USP11: variants seen among roughly 807,000 people sequenced by gnomAD.
USP11 encodes the protein ubiquitin carboxyl-terminal hydrolase 11.
Under a neutral mutation model 72.8 loss-of-function variants are expected in USP11, and 5 were observed. That is an observed-to-expected ratio of 0.07 (90% CI 0.04 to 0.14). The LOEUF (loss-of-function observed/expected upper bound fraction) is 0.14, where lower values mean the gene tolerates loss of function less well. Among genes scored for constraint, USP11 ranks in the 10% least tolerant of loss-of-function variants. The pLI, the probability that USP11 is intolerant of heterozygous loss-of-function variation, is 1.00. For synonymous variants in USP11, 368 were observed against 326.5 expected, an observed-to-expected ratio of 1.13 and a Z score of -1.37; for missense variants, 480 against 794.7, an observed-to-expected ratio of 0.60 and a Z score of 4.76.
intron 7 of USP11, 146 bp downstream of exon 7, chrX:47,241,022 C>G: frequency 1.6e-6 from 1 of 611,270 alleles, no homozygotes. Flanking sequence ...AGTGGCACGC[C>G]CACGTTCATT....
Position 47,243,634 on chromosome X carries a change from G to T in USP11, c.1790+32G>T, listed in dbSNP as rs776874603. ...GTCCTCTTCCCCGGGGGTGGGGGGC[G>T]GAGGGGTCTGAACTCCGACTTGGGT... On this transcript the variant is annotated intron_variant, in intron 13 of 20. Coordinates refer to ENST00000377107, the MANE Select transcript of USP11 (RefSeq NM_001371072.1). 1.7e-5 allele frequency: 20 copies of T among 1,187,268 alleles called. No individual in the cohort carries two copies. The South Asian group carries it at 3.6e-4, about 21-fold the overall frequency.
intron 1 of USP11, among the ~76,000 whole-genome samples, chrX:47,236,586 T>C (rs2055373064): frequency 8.9e-6 from 1 of 112,309 alleles, no homozygotes; most frequent in African/African-American, 3.2e-5. Context: ...CTTTTTCCTT[T>C]TGTGGGATGA....
At chrX:47,240,134 ATTTG>A (rs2055394502) in intron 4 of USP11, among the ~76,000 whole-genome samples, 167 bp from the exon 5 acceptor site, 1 of 111,570 alleles carries the variant, frequency 9.0e-6, no homozygotes, top group Admixed American at 9.5e-5. Context: ...GGCAGAGGAT[ATTTG>A]CTGGAGATCT....
At chrX:47,241,472 C>G (rs760192535) in intron 8 of USP11, 22 bp downstream of exon 8, 6 of 1,191,498 alleles carry the variant, frequency 5.0e-6, no homozygotes, top group Non-Finnish European at 1.1e-6. Context: ...CCCTGGGCAC[C>G]CCCGACCCCC....
chrX:47,242,038 T>A, intron 9 of USP11, 44 bp from the exon 10 acceptor site: 1 of 1,178,466 alleles, frequency 8.5e-7, no homozygotes, highest in Non-Finnish European at 1.1e-6. Context: ...TGGTTTCCTC[T>A]TACCCTGGGC....
chrX:47,242,658 C>T lies in USP11; in HGVS notation c.1521C>T (p.Phe507=). 1 of 1,211,274 alleles carries T rather than the reference C, an allele frequency of 8.3e-7. No homozygotes were observed. Among genetic ancestry groups the T allele is most frequent in the Admixed American group, 2.2e-5 (1 of 46,055 alleles). Reference sequence around the variant, plus strand: ...TGGCTGATGTCTTCAGTCACCGCTTCTATAAGCTCTATCAGCTAGAGGAGC... The same window carrying T: ...TGGCTGATGTCTTCAGTCACCGCTTTTATAAGCTCTATCAGCTAGAGGAGC... ...MMVADVFSHR[F]YKLYQLEEPL... is the part of the protein sequence containing the mutation. Residue 507 remains phenylalanine, a synonymous_variant, in exon 12 of 21, where the codon TTC becomes TTT. Coordinates refer to ENST00000377107, the MANE Select transcript of USP11 (RefSeq NM_001371072.1).
At chrX:47,246,545 T>C (rs1313716566) in intron 17 of USP11, among the ~76,000 whole-genome samples, 1 of 111,049 alleles carries the variant, frequency 9.0e-6, no homozygotes, top group African/African-American at 3.3e-5. Flanking sequence ...CAAACAAAAA[T>C]ACAAAAAATA....
chrX:47,240,016 A>G, intron 4 of USP11, 109 bp downstream of exon 4: 1 of 837,467 alleles, frequency 1.2e-6, no homozygotes. Context: ...GGCACTGGTC[A>G]GACTTTGGAA....
intron 16 of USP11, 43 bp downstream of exon 16, chrX:47,245,129 C>T: frequency 8.5e-7 from 1 of 1,181,405 alleles, no homozygotes; most frequent in Non-Finnish European, 1.1e-6. Context: ...CAGCTCTTGC[C>T]CCTCAACTCT....
Position 47,242,113 on chromosome X carries a change from A to G in USP11, c.1211A>G (p.Lys404Arg). ...EVAQEAWQNH[K>R]RRNDSVIVDT... Reference sequence around the variant, plus strand: ...GCACAGGAGGCATGGCAAAACCACAAACGGCGGAACGATTCTGTGATCGTG... The same window carrying G: ...GCACAGGAGGCATGGCAAAACCACAGACGGCGGAACGATTCTGTGATCGTG... The change falls in exon 10 of 21, where the codon AAA becomes AGA. Residue 404 changes from lysine (K) to arginine (R), a missense_variant. Lys to Arg is a conservative substitution (Grantham distance 26, BLOSUM62 2). Coordinates refer to ENST00000377107, the MANE Select transcript of USP11 (RefSeq NM_001371072.1). The G allele has an allele frequency of 8.3e-7, 1 of 1,210,213 alleles. No individual in the cohort carries two copies.
At chrX:47,236,948 A>G (rs1232294979) in intron 1 of USP11, among the ~76,000 whole-genome samples, 1 of 112,008 alleles carries the variant, frequency 8.9e-6, no homozygotes, top group Non-Finnish European at 1.9e-5. Flanking sequence ...GATGTTAACA[A>G]TGATTTTTTT....
chrX:47,236,064 A>G (rs2055370592), intron 1 of USP11, among the ~76,000 whole-genome samples: 1 of 111,599 alleles, frequency 9.0e-6, no homozygotes, highest in South Asian at 3.7e-4. Flanking sequence ...AATATTTTGG[A>G]ACTAGGGAGA....
chrX:47,245,363 A>C lies in USP11; in HGVS notation c.2158-7A>C. The C allele has an allele frequency of 8.3e-7, 1 of 1,204,711 alleles. No individual in the cohort carries two copies. The highest frequency in any genetic ancestry group is 1.1e-6 in the Non-Finnish European group (1 of 890,102). On this transcript the variant is annotated splice_region_variant and splice_polypyrimidine_tract_variant and intron_variant, in intron 16 of 20. Transcript: ENST00000377107. ...GGCCATCTGGTTGTCTGTTCACCCA[A>C]TCCTAGGGCTACGTGAAGCATGACT...
In USP11 at chrX:47,244,542, A is replaced by G. The variant is rs2055421617; in HGVS notation, c.1835A>G (p.Asp612Gly). The G allele has an allele frequency of 1.7e-6, 2 of 1,210,504 alleles. No homozygotes were observed. Among genetic ancestry groups the G allele is most frequent in the Non-Finnish European group, 2.2e-6 (2 of 895,083 alleles). ...AACTCAGATGATGAGGACGATGGGGATGAGAAAGGTGAGGGGGCTAACAGT... is the reference window on the plus strand; with the variant it reads ...AACTCAGATGATGAGGACGATGGGGGTGAGAAAGGTGAGGGGGCTAACAGT... ...KPNSDDEDDG[D>G]EKEDDEEDKD... Residue 612 changes from aspartate (D) to glycine (G), a missense_variant, in exon 14 of 21, where the codon GAT becomes GGT. Around this residue, in one of 5 missense-constraint regions of USP11, gnomAD observed 314 missense variants for 556.0 expected, o/e 0.56. Coordinates refer to ENST00000377107, the MANE Select transcript of USP11 (RefSeq NM_001371072.1).
intron 17 of USP11, 81 bp from the exon 18 acceptor site, chrX:47,246,991 A>G: frequency 9.0e-7 from 1 of 1,106,900 alleles, no homozygotes; most frequent in Non-Finnish European, 1.2e-6. Context: ...ACTGTACTCC[A>G]GCCTGGGCAA....
At chrX:47,238,957 C>A in intron 1 of USP11, 113 bp from the exon 2 acceptor site, 1 of 485,789 alleles carries the variant, frequency 2.1e-6, no homozygotes, top group Non-Finnish European at 3.4e-6. Flanking sequence ...GATGCTGAAA[C>A]TTTTCATCTT....
intron 1 of USP11, among the ~76,000 whole-genome samples, chrX:47,237,827 T>TGTGTGTGTG (rs2055381365): frequency 9.8e-6 from 1 of 102,192 alleles, no homozygotes; most frequent in African/African-American, 3.7e-5. Context: ...TGTGTGTGTG[T>TGTGTGTGTG]TTAGGCAGGA....
In USP11 at chrX:47,247,855, G is replaced by A. The variant is rs373410562; in HGVS notation, c.2688G>A (p.Pro896=). 6.3e-5 allele frequency: 76 copies of A among 1,203,863 alleles called. No individual in the cohort carries two copies. Among genetic ancestry groups the A allele is most frequent in the Admixed American group, 1.6e-4 (7 of 44,613 alleles). Residue 896 remains proline (P), a synonymous_variant, in exon 21 of 21, where the codon CCG becomes CCA. Coordinates refer to ENST00000377107, the MANE Select transcript of USP11 (RefSeq NM_001371072.1). ...RQDVARRLLS[P]AGSSGAPASP... ...ACGTGGCGCGACGCCTGCTGTCCCC[G>A]GCCGGCTCATCTGGCGCCCCAGCCT...
At position 47,241,811 on chromosome X, in the gene USP11, C is replaced by T; in HGVS notation, c.1179+112C>T. Reference sequence around the variant, plus strand: ...CGCCACCATTTTCTGTTAAGTTTCTCTACCTGACCTCAACTCCAGCCTTAC... The same window carrying T: ...CGCCACCATTTTCTGTTAAGTTTCTTTACCTGACCTCAACTCCAGCCTTAC... On this transcript the variant is annotated intron_variant, in intron 9 of 20. Transcript: ENST00000377107. 10 of 936,981 alleles carry T rather than the reference C, an allele frequency of 1.1e-5. No individual in the cohort carries two copies. The South Asian group carries it at 2.5e-4, about 24-fold the overall frequency. 77.2% of individuals were successfully genotyped at this position (936,981 alleles called of 1,213,427 possible).
Sources: allele counts gnomAD v4.1 joint callset (sites outside exome capture counted in the v4.1 genomes callset), GRCh38; gene constraint gnomAD v4.1.1; regional missense constraint gnomAD v4.1.1; transcripts MANE v1.5; gene names NCBI Gene and HGNC (gene_info 2026-07-23, HGNC 2026-07-21).